Variants in TSHZ2 observed in about 807,000 individuals in gnomAD.
The protein encoded by TSHZ2 is teashirt zinc finger homeobox 2, also known as teashirt homolog 2.
A neutral mutation model predicts 74.4 loss-of-function variants in TSHZ2; 21 were observed. That is an observed-to-expected ratio of 0.28 (90% CI 0.20 to 0.41). The LOEUF is 0.41. Among genes scored for constraint, TSHZ2 ranks in the 10% least tolerant of loss-of-function variants. TSHZ2 has a pLI of 1.00. For missense variants in TSHZ2, 1,244 were observed against 1,293.5 expected (o/e 0.96, Z 0.59); for synonymous variants, 540 against 515.3 (o/e 1.05, Z -0.65).
chr20:53,266,776 T>TA (rs1990726369), intron 2 of TSHZ2, among the ~76,000 whole-genome samples: 1 of 144,366 alleles, frequency 6.9e-6, no homozygotes, highest in Non-Finnish European at 1.5e-5. Flanking sequence ...TCGACGATTT[T>TA]TTTTTTTTTT....
intron 2 of TSHZ2, among the ~76,000 whole-genome samples, chr20:53,455,930 T>C (rs1163934046): frequency 6.6e-6 from 1 of 151,672 alleles, no homozygotes; most frequent in African/African-American, 2.4e-5. Context: ...ATGGTGTATA[T>C]GTGCCACATT....
chr20:53,286,574 A>G (rs1260765544), intron 2 of TSHZ2, among the ~76,000 whole-genome samples: 1 of 152,048 alleles, frequency 6.6e-6, no homozygotes, highest in Non-Finnish European at 1.5e-5. Flanking sequence ...AGAACATTTT[A>G]TCTTCTACAG....
chr20:53,439,664 G>C (rs142021997), intron 2 of TSHZ2, among the ~76,000 whole-genome samples: 1 of 152,058 alleles, frequency 6.6e-6, no homozygotes, highest in East Asian at 1.9e-4. Context: ...CTAATTATAC[G>C]TGCAAGATCC....
chr20:53,017,946 T>G (rs1983101252), intron 1 of TSHZ2, among the ~76,000 whole-genome samples: 1 of 152,194 alleles, frequency 6.6e-6, no homozygotes, highest in African/African-American at 2.4e-5. Context: ...AATAGATATT[T>G]TACAATAAAA....
chr20:53,378,111 C>T (rs1401559276), intron 2 of TSHZ2, among the ~76,000 whole-genome samples: 2 of 152,042 alleles, frequency 1.3e-5, no homozygotes, highest in Non-Finnish European at 2.9e-5. Context: ...GAGGCCGAGG[C>T]GGGCGATCAC....
intron 2 of TSHZ2, among the ~76,000 whole-genome samples, chr20:53,450,397 T>C (rs945272273): frequency 6.6e-6 from 1 of 152,260 alleles, no homozygotes; most frequent in African/African-American, 2.4e-5. Context: ...TGCCAGTATA[T>C]AGTCCCTAAC....
At chr20:53,345,715 T>A (rs1980411875) in intron 2 of TSHZ2, among the ~76,000 whole-genome samples, 1 of 109,682 alleles carries the variant, frequency 9.1e-6, no homozygotes, top group African/African-American at 3.6e-5. Flanking sequence ...TCCCCAAGAA[T>A]GAGGCCAAGA....
At chr20:53,084,476 T>C (rs1985628888) in intron 1 of TSHZ2, among the ~76,000 whole-genome samples, 1 of 152,220 alleles carries the variant, frequency 6.6e-6, no homozygotes, top group African/African-American at 2.4e-5. Context: ...AATGACAAAT[T>C]TGTTGACTAA....
chr20:53,168,581 T>C (rs114383806), intron 1 of TSHZ2: 52 of 152,342 alleles, frequency 3.4e-4, no homozygotes, highest in African/African-American at 1.2e-3. Context: ...TGTTTTTGCT[T>C]GTCTGTCTCC....
chr20:53,017,615 C>A (rs1288147644), intron 1 of TSHZ2, among the ~76,000 whole-genome samples: 1 of 152,038 alleles, frequency 6.6e-6, no homozygotes, highest in Admixed American at 6.6e-5. Context: ...AACATGAAAG[C>A]AGTACACAAT....
chr20:53,054,220 T>C (rs1465474337), intron 1 of TSHZ2, among the ~76,000 whole-genome samples: 1 of 152,200 alleles, frequency 6.6e-6, no homozygotes, highest in Admixed American at 6.5e-5. Flanking sequence ...GGTCCAACTT[T>C]GTTACAAAGA....
chr20:53,168,100 G>A (rs781611860), intron 1 of TSHZ2, among the ~76,000 whole-genome samples: 3 of 152,204 alleles, frequency 2.0e-5, no homozygotes, highest in Non-Finnish European at 4.4e-5. Context: ...GTGTGATTAT[G>A]TCCAGAAGGC....
chr20:53,281,487 G>A (rs1265434242), intron 2 of TSHZ2, among the ~76,000 whole-genome samples: 1 of 152,206 alleles, frequency 6.6e-6, no homozygotes, highest in Non-Finnish European at 1.5e-5. Context: ...TATCACAAAA[G>A]CAGCCATAGG....
rs555352762 is a variant in TSHZ2, at chr20:53,463,220, T to A, written c.*9-23924T>A. 5.9e-4 allele frequency among the ~76,000 whole-genome samples: 90 copies of A among 152,236 alleles called. 1 individual carries two copies. Among genetic ancestry groups the A allele is most frequent in the African/African-American group, 2.0e-3 (83 of 41,556 alleles). On this transcript the variant is annotated intron_variant, in intron 2 of 2. Coordinates refer to ENST00000371497, the MANE Select transcript of TSHZ2 (RefSeq NM_173485.6). ...TGTGTATGCTTGTGAAGGAACTTAG[T>A]CTATCTAGAAATGCAGTTTTAGGAT...
intron 1 of TSHZ2, among the ~76,000 whole-genome samples, chr20:53,070,668 G>A (rs1457885326): frequency 2.6e-5 from 4 of 152,190 alleles, no homozygotes; most frequent in Non-Finnish European, 5.9e-5. Context: ...GTGTGTGTAT[G>A]TGTGTGTGTA....
intron 1 of TSHZ2, among the ~76,000 whole-genome samples, chr20:53,239,512 T>C (rs1990017294): frequency 6.6e-6 from 1 of 152,136 alleles, no homozygotes; most frequent in Non-Finnish European, 1.5e-5. Context: ...CTTAAAGAGC[T>C]TACCACCTGG....
chr20:53,385,790 G>A (rs907265339), intron 2 of TSHZ2, among the ~76,000 whole-genome samples: 1 of 152,258 alleles, frequency 6.6e-6, no homozygotes. Flanking sequence ...ACAAAGCCCA[G>A]GCCCTGCCTA....
intron 1 of TSHZ2, among the ~76,000 whole-genome samples, chr20:53,073,838 A>G (rs1036413525): frequency 9.2e-5 from 14 of 152,130 alleles, no homozygotes; most frequent in African/African-American, 3.4e-4. Flanking sequence ...ATGCATGTTT[A>G]ATTATAGTTT....
At chr20:53,329,224 T>A (rs1299007987) in intron 2 of TSHZ2, among the ~76,000 whole-genome samples, 1 of 152,208 alleles carries the variant, frequency 6.6e-6, no homozygotes, top group African/African-American at 2.4e-5. Flanking sequence ...CGAGACTGTT[T>A]TGTCTAGAGC....
Sources: allele counts gnomAD v4.1 joint callset (sites outside exome capture counted in the v4.1 genomes callset), GRCh38; gene constraint gnomAD v4.1.1; transcripts MANE v1.5; gene names NCBI Gene and HGNC (gene_info 2026-07-23, HGNC 2026-07-21).